The following COL24A1 variants were observed in gnomAD, a reference collection of about 807,000 sequenced individuals.
COL24A1 encodes the protein collagen type XXIV alpha 1 chain.
Under a neutral mutation model 253.9 loss-of-function variants are expected in COL24A1, and 224 were observed. That is an observed-to-expected ratio of 0.88 (90% CI 0.79 to 0.99). The LOEUF is 0.99. COL24A1 is among the 50% of genes least tolerant of loss of function. The pLI is 0.00. For synonymous variants in COL24A1, 685 were observed against 673.7 expected (o/e 1.02, Z -0.26); for missense variants, 2,131 against 2,068.5 (o/e 1.03, Z -0.59).
At chr1:85,990,921 G>A (rs1239551059) in intron 19 of COL24A1, among the ~76,000 whole-genome samples, 1 of 152,132 alleles carries the variant, frequency 6.6e-6, no homozygotes, top group Non-Finnish European at 1.5e-5. Context: ...TGTACCACTA[G>A]TAACCAAACA....
chr1:86,009,902 A>T (rs1053936140), intron 19 of COL24A1, among the ~76,000 whole-genome samples: 1 of 152,212 alleles, frequency 6.6e-6, no homozygotes, highest in Non-Finnish European at 1.5e-5. Flanking sequence ...AAAACAATGC[A>T]TGCAGTGTGT....
At chr1:85,779,275 A>G (rs1380517621) in intron 52 of COL24A1, among the ~76,000 whole-genome samples, 1 of 152,162 alleles carries the variant, frequency 6.6e-6, no homozygotes. Context: ...CTTCCCTGTC[A>G]CTGACGTAGG....
chr1:85,972,474 A>G (rs186741729), intron 20 of COL24A1, among the ~76,000 whole-genome samples: 1 of 152,340 alleles, frequency 6.6e-6, no homozygotes, highest in African/African-American at 2.4e-5. Context: ...ATTACTTTAG[A>G]CAATAACCTA....
chr1:85,846,780 A>G (rs1398943843), intron 39 of COL24A1, among the ~76,000 whole-genome samples: 1 of 152,060 alleles, frequency 6.6e-6, no homozygotes, highest in Non-Finnish European at 1.5e-5. Flanking sequence ...ACATTATAAA[A>G]TGTTTTTGTA....
intron 1 of COL24A1, chr1:86,154,397 C>T (rs1053248866): frequency 6.6e-6 from 1 of 152,548 alleles, no homozygotes; most frequent in Non-Finnish European, 1.5e-5. Context: ...ATGAGATAAC[C>T]AAGGGCTGCA....
intron 5 of COL24A1, among the ~76,000 whole-genome samples, chr1:86,097,642 TTCC>T (rs1168175690): frequency 2.4e-5 from 3 of 123,112 alleles, no homozygotes; most frequent in Non-Finnish European, 5.2e-5. Flanking sequence ...ATTCTTATTC[TTCC>T]TCCTCCTCCT....
intron 7 of COL24A1, among the ~76,000 whole-genome samples, chr1:86,088,342 A>G (rs1703229618): frequency 6.6e-6 from 1 of 152,184 alleles, no homozygotes; most frequent in Admixed American, 6.6e-5. Context: ...GCTCATTATT[A>G]TATGTATTTA....
chr1:86,094,568 C>T (rs893485864), intron 5 of COL24A1, among the ~76,000 whole-genome samples: 5 of 151,876 alleles, frequency 3.3e-5, no homozygotes, highest in Admixed American at 3.3e-4. Flanking sequence ...ACAAGAAACC[C>T]CTAATGACAC....
intron 3 of COL24A1, among the ~76,000 whole-genome samples, chr1:86,119,256 T>G (rs553256852): frequency 1.3e-5 from 2 of 152,198 alleles, no homozygotes; most frequent in South Asian, 4.2e-4. Context: ...CTGAGAAACT[T>G]TGGAGCGAAG....
intron 19 of COL24A1, among the ~76,000 whole-genome samples, chr1:86,014,256 A>G (rs981230468): frequency 6.6e-6 from 1 of 152,136 alleles, no homozygotes; most frequent in Non-Finnish European, 1.5e-5. Context: ...TCTCCAGACC[A>G]TAAGTTACTA....
chr1:85,976,959 A>G (rs1238082239), intron 20 of COL24A1, among the ~76,000 whole-genome samples: 1 of 152,226 alleles, frequency 6.6e-6, no homozygotes, highest in East Asian at 1.9e-4. Context: ...AAGGACTCTT[A>G]CAGTCTACTT....
intron 47 of COL24A1, among the ~76,000 whole-genome samples, chr1:85,795,168 T>A (rs1028247283): frequency 6.6e-6 from 1 of 152,196 alleles, no homozygotes; most frequent in Non-Finnish European, 1.5e-5. Flanking sequence ...TCACTTTGAC[T>A]TCCCTCTGGG....
At chr1:86,020,272 T>C (rs1697403450) in intron 18 of COL24A1, among the ~76,000 whole-genome samples, 1 of 152,018 alleles carries the variant, frequency 6.6e-6, no homozygotes, top group African/African-American at 2.4e-5. Flanking sequence ...TTCACCATGT[T>C]GGTCAGGGTG....
intron 25 of COL24A1, among the ~76,000 whole-genome samples, chr1:85,910,262 T>C (rs1042774189): frequency 6.6e-6 from 1 of 151,950 alleles, no homozygotes; most frequent in Non-Finnish European, 1.5e-5. Context: ...ATAGAAATTA[T>C]GGATAAACAA....
intron 37 of COL24A1, among the ~76,000 whole-genome samples, chr1:85,860,049 GAACC>G (rs1558423164): frequency 0.019 from 2,918 of 152,158 alleles, 89 homozygotes; most frequent in African/African-American, 0.068. Flanking sequence ...TAAAATAGAG[GAACC>G]AGTTGGGATT....
chr1:85,923,899 T>A (rs533184806), intron 24 of COL24A1, among the ~76,000 whole-genome samples: 46 of 151,726 alleles, frequency 3.0e-4, no homozygotes, highest in Non-Finnish European at 5.9e-4. Context: ...TTTGAAATGA[T>A]CAAAAAAATT....
intron 20 of COL24A1, among the ~76,000 whole-genome samples, chr1:85,981,535 T>C (rs1693258147): frequency 6.6e-6 from 1 of 151,998 alleles, no homozygotes; most frequent in Non-Finnish European, 1.5e-5. Flanking sequence ...CCTGAAACCA[T>C]AATATTCTAG....
At chr1:86,135,041 G>C (rs1203537378) in intron 2 of COL24A1, among the ~76,000 whole-genome samples, 1 of 151,666 alleles carries the variant, frequency 6.6e-6, no homozygotes, top group African/African-American at 2.4e-5. Flanking sequence ...TCCTGCATTG[G>C]GTGTATGTAT....
chr1:86,000,185 A>G (rs189596197), intron 19 of COL24A1, among the ~76,000 whole-genome samples: 53 of 152,274 alleles, frequency 3.5e-4, no homozygotes, highest in African/African-American at 1.1e-3. Context: ...CATCTTCTCT[A>G]TGAACCCTTC....
Sources: allele counts gnomAD v4.1 joint callset (sites outside exome capture counted in the v4.1 genomes callset), GRCh38; gene constraint gnomAD v4.1.1; transcripts MANE v1.5; gene names NCBI Gene and HGNC (gene_info 2026-07-23, HGNC 2026-07-21).